The following IL1RAPL1 variants were observed in gnomAD, a reference collection of about 807,000 sequenced individuals.
The protein encoded by IL1RAPL1 is interleukin-1 receptor accessory protein-like 1.
A neutral mutation model predicts 48.4 loss-of-function variants in IL1RAPL1; 3 were observed. That is an observed-to-expected ratio of 0.06 (90% CI 0.03 to 0.16). The LOEUF (loss-of-function observed/expected upper bound fraction) is 0.16. IL1RAPL1 is among the 10% of genes least tolerant of loss of function. IL1RAPL1 has a pLI of 1.00. For missense variants in IL1RAPL1, 349 were observed against 530.6 expected, an observed-to-expected ratio of 0.66 and a Z score of 3.36; for synonymous variants, 185 against 187.7, an observed-to-expected ratio of 0.99 and a Z score of 0.12.
At chrX:29,802,747 TTATA>T (rs1210417673) in intron 6 of IL1RAPL1, among the ~76,000 whole-genome samples, 832 of 36,218 alleles carry the variant, frequency 0.023, 24 homozygotes, top group Middle Eastern at 0.059. Context: ...GAGGAAAAAA[TTATA>T]TATATATATA....
intron 1 of IL1RAPL1, among the ~76,000 whole-genome samples, chrX:28,615,758 T>C (rs915026142): frequency 5.4e-5 from 6 of 110,924 alleles, no homozygotes; most frequent in African/African-American, 2.0e-4. Context: ...TTTGGAACAT[T>C]GATGATATGA....
At chrX:29,306,530 GAAAAAAAAAAAA>G (rs1166748708) in intron 3 of IL1RAPL1, among the ~76,000 whole-genome samples, 10 of 33,446 alleles carry the variant, frequency 3.0e-4, no homozygotes, top group South Asian at 6.5e-3. Context: ...TCTGTCAAAA[GAAAAAAAAAAAA>G]AAAAAAAAAA....
intron 2 of IL1RAPL1, among the ~76,000 whole-genome samples, chrX:29,166,563 G>C (rs192012847): frequency 1.0e-3 from 115 of 111,351 alleles, no homozygotes; most frequent in Non-Finnish European, 1.8e-3. Context: ...CATCATTCAG[G>C]CCTATTTTTT....
intron 2 of IL1RAPL1, among the ~76,000 whole-genome samples, chrX:29,098,888 C>T (rs935646434): frequency 7.1e-5 from 8 of 112,351 alleles, no homozygotes; most frequent in Non-Finnish European, 1.5e-4. Context: ...CAGAGGCTCA[C>T]GCCTGTAATC....
At chrX:28,759,265 G>A (rs1005266944) in intron 1 of IL1RAPL1, among the ~76,000 whole-genome samples, 2 of 109,853 alleles carry the variant, frequency 1.8e-5, no homozygotes, top group Admixed American at 9.7e-5. Flanking sequence ...AATAATATAC[G>A]TTGTCCTTAT....
chrX:29,429,003 A>G (rs1341858082), intron 5 of IL1RAPL1, among the ~76,000 whole-genome samples: 2 of 112,012 alleles, frequency 1.8e-5, no homozygotes, highest in Non-Finnish European at 3.8e-5. Flanking sequence ...GATTAACTCC[A>G]ATGTATTCTT....
In IL1RAPL1 at chrX:29,195,002, G is replaced by T. The variant is rs1375305953; in HGVS notation, c.83-87936G>T. On this transcript the variant is annotated intron_variant, in intron 2 of 10. Coordinates refer to ENST00000378993, the MANE Select transcript of IL1RAPL1 (RefSeq NM_014271.4). ...GCCCCAACCCATTTAATCAGCAAAT[G>T]GCAAAGATGAATTTCAGTTCTGGTC... is the stretch of plus-strand genomic sequence containing the variant. 2.7e-5 allele frequency among the ~76,000 whole-genome samples: 3 copies of T among 111,486 alleles called. No individual in the cohort carries two copies. In the East Asian group the frequency reaches 8.5e-4, roughly 31 times the overall value.
rs192516215 is a variant in IL1RAPL1 at position 28,935,084 on chromosome X, C to T, written c.82+145659C>T. Reference sequence around the variant, plus strand: ...TTTCAGCAGTTCTGTGGATTTATTTCACTTTCTTGATAGTGTCCTTTGAAG... The same window carrying T: ...TTTCAGCAGTTCTGTGGATTTATTTTACTTTCTTGATAGTGTCCTTTGAAG... On this transcript the variant is annotated intron_variant, in intron 2 of 10. Coordinates refer to ENST00000378993, the MANE Select transcript of IL1RAPL1 (RefSeq NM_014271.4). Among the ~76,000 whole-genome samples, 372 of 111,514 alleles carry T rather than the reference C, an allele frequency of 3.3e-3. 3 individuals are homozygous for T. The highest frequency in any genetic ancestry group is 0.011 in the African/African-American group (345 of 30,809).
At chrX:29,212,070 A>T (rs1020084489) in intron 2 of IL1RAPL1, among the ~76,000 whole-genome samples, 2 of 111,290 alleles carry the variant, frequency 1.8e-5, no homozygotes, top group Admixed American at 1.9e-4. Flanking sequence ...TCCTAACCTG[A>T]ACTCCTGTCC....
intron 2 of IL1RAPL1, among the ~76,000 whole-genome samples, chrX:28,846,693 G>C (rs1169967797): frequency 8.9e-6 from 1 of 111,989 alleles, no homozygotes; most frequent in Non-Finnish European, 1.9e-5. Context: ...GCATTGGAAG[G>C]AATGTTAGAT....
At chrX:29,885,349 G>A (rs1932130406) in intron 6 of IL1RAPL1, among the ~76,000 whole-genome samples, 1 of 111,789 alleles carries the variant, frequency 8.9e-6, no homozygotes, top group Non-Finnish European at 1.9e-5. Context: ...CCTTTGAACA[G>A]ATTATCTAAC....
intron 2 of IL1RAPL1, among the ~76,000 whole-genome samples, chrX:29,112,814 T>TC (rs1231445134): frequency 5.3e-5 from 5 of 94,835 alleles, no homozygotes; most frequent in Non-Finnish European, 8.3e-5. Context: ...TTTTTTTTTT[T>TC]CCTGAGGTGG....
At chrX:29,655,636 G>A (rs111228617) in intron 5 of IL1RAPL1, among the ~76,000 whole-genome samples, 16 of 92,649 alleles carry the variant, frequency 1.7e-4, no homozygotes, top group African/African-American at 5.4e-4. Context: ...GCACTCCAGC[G>A]TGGGTGACAG....
At chrX:29,671,999 TAGAG>T (rs201537002) in intron 6 of IL1RAPL1, among the ~76,000 whole-genome samples, 401 of 112,204 alleles carry the variant, frequency 3.6e-3, no homozygotes, top group African/African-American at 8.3e-3. Flanking sequence ...TTTGGGGAAA[TAGAG>T]AGAAGAATCT....
intron 2 of IL1RAPL1, among the ~76,000 whole-genome samples, chrX:29,014,829 T>C (rs1323392842): frequency 1.8e-5 from 2 of 111,927 alleles, no homozygotes; most frequent in East Asian, 5.6e-4. Flanking sequence ...GAGAATACTT[T>C]GAAACTTCTA....
At chrX:29,902,745 GTTAC>G (rs761571039) in intron 6 of IL1RAPL1, among the ~76,000 whole-genome samples, 1 of 111,488 alleles carries the variant, frequency 9.0e-6, no homozygotes, top group East Asian at 2.8e-4. Flanking sequence ...GTTATTTGTT[GTTAC>G]TTAAATTCTC....
rs7064748 is a variant in IL1RAPL1, at chrX:29,534,690, C to T, written c.704-133740C>T. ...TCTCGACAAAAAAGAGAAATTAGGC[C>T]GGGCGCGGTGGCTCATGCCTGTAAT... On this transcript the variant is annotated intron_variant, in intron 5 of 10. Coordinates refer to ENST00000378993, the MANE Select transcript of IL1RAPL1 (RefSeq NM_014271.4). Among the ~76,000 whole-genome samples, 1,083 of 110,481 alleles carry T rather than the reference C, an allele frequency of 9.8e-3. 15 individuals are homozygous for T. Among genetic ancestry groups the T allele is most frequent in the African/African-American group, 0.034 (1,027 of 30,379 alleles).
intron 3 of IL1RAPL1, among the ~76,000 whole-genome samples, chrX:29,366,700 C>A (rs920312591): frequency 2.8e-5 from 3 of 105,950 alleles, no homozygotes; most frequent in African/African-American, 1.0e-4. Flanking sequence ...TCCTGAGTAG[C>A]TGGGACTACA....
chrX:29,118,437 T>C (rs1165495902), intron 2 of IL1RAPL1, among the ~76,000 whole-genome samples: 1 of 111,901 alleles, frequency 8.9e-6, no homozygotes, highest in Non-Finnish European at 1.9e-5. Context: ...GCTAGATTTC[T>C]AACCCATGCA....
Sources: gnomAD v4.1 joint callset for allele counts (sites outside exome capture counted in the v4.1 genomes callset) on GRCh38, gnomAD v4.1.1 for gene constraint, MANE v1.5 for transcripts, NCBI Gene and HGNC (gene_info 2026-07-23, HGNC 2026-07-21) for gene names.